Variants in ANKDD1B observed in about 807,000 individuals in gnomAD.
ANKDD1B encodes the protein ankyrin repeat and death domain containing 1B.
ANKDD1B carries 57 observed loss-of-function variants against 59.7 expected under a neutral mutation model. The observed-to-expected ratio is 0.95, with a 90% CI of 0.77 to 1.19. The LOEUF is 1.19. ANKDD1B is among the 50% of genes most tolerant of loss of function. ANKDD1B has a pLI of 0.00. For missense variants in ANKDD1B, 602 were observed against 641.9 expected (o/e 0.94, Z 0.67); for synonymous variants, 216 against 239.5 (o/e 0.90, Z 0.91).
At chr5:75,629,370 G>T (rs16872663) in intron 5 of ANKDD1B, among the ~76,000 whole-genome samples, 8,673 of 151,948 alleles carry the variant, frequency 0.057, 774 homozygotes, top group African/African-American at 0.19. Flanking sequence ...GATGGGAAAT[G>T]TTGTAGGCAG....
chr5:75,656,117 TC>T lies in ANKDD1B; in HGVS notation c.987del (p.Leu330Ter). 8 of 1,507,808 alleles carry T rather than the reference TC, an allele frequency of 5.3e-6. No homozygotes were observed. Among genetic ancestry groups the T allele is most frequent in the Non-Finnish European group, 7.1e-6 (8 of 1,123,964 alleles). The allele number at this position is 1,507,808 out of a possible 1,614,324, so 93.4% of individuals were successfully genotyped here. On this transcript the variant is annotated frameshift_variant, in exon 9 of 14. Coordinates refer to ENST00000601380, the MANE Select transcript of ANKDD1B (RefSeq NM_001276713.2). LOFTEE classifies it high-confidence loss of function. The stretch of plus-strand genomic sequence containing the variant: ...TTAAGTGCACAGCATGATATTGACA[TC>T]TTAAATCAGGTAAGCCAGGCAAATC... ...SLLSAQHDID[I>X]LNQKQQTPLH...
chr5:75,653,861 T>C (rs1468090884), intron 8 of ANKDD1B, among the ~76,000 whole-genome samples: 2 of 152,192 alleles, frequency 1.3e-5, no homozygotes, highest in African/African-American at 4.8e-5. Context: ...TGTCAGATAG[T>C]TTTTGGAGCA....
chr5:75,633,772 C>A (rs756487811), intron 5 of ANKDD1B, among the ~76,000 whole-genome samples: 4 of 152,194 alleles, frequency 2.6e-5, no homozygotes, highest in Non-Finnish European at 5.9e-5. Context: ...ATTGGATCCC[C>A]AATCTGGTGG....
intron 7 of ANKDD1B, among the ~76,000 whole-genome samples, chr5:75,637,200 G>A (rs1000245784): frequency 1.6e-5 from 2 of 125,984 alleles, no homozygotes; most frequent in Non-Finnish European, 3.1e-5. Context: ...AGCCCAGATC[G>A]TACCACTGCA....
intron 8 of ANKDD1B, 112 bp from the exon 9 acceptor site, chr5:75,655,917 A>T: frequency 1.7e-6 from 1 of 589,922 alleles, no homozygotes. Flanking sequence ...TGGGATGGGC[A>T]GTTTCGGTAC....
chr5:75,669,304 C>CG lies in ANKDD1B; in HGVS notation c.1449dup (p.Thr484AspfsTer7). ...ACAGGGCTCTGCTTATCTGGCTACA[C>CG]GGGACCCTGATGACTCAGGGTGACC... On this transcript the variant is annotated frameshift_variant, in exon 13 of 14. Coordinates refer to ENST00000601380, the MANE Select transcript of ANKDD1B (RefSeq NM_001276713.2). LOFTEE classifies it high-confidence loss of function. 1 of 1,232,110 alleles carries CG rather than the reference C, an allele frequency of 8.1e-7. No individual in the cohort carries two copies. 76.3% of individuals were successfully genotyped at this position (1,232,110 alleles called of 1,614,324 possible). A position where few individuals can be genotyped will look rare whatever the true frequency, so the allele number is the denominator to read the frequency against.
At position 75,632,881 on chromosome 5, in the gene ANKDD1B, G is replaced by T. The variant is rs189769095; in HGVS notation, c.601-2017G>T. ...TATTTCTCATCTTGGTCACTCTATTGCTTAGCACATTATCTGGCATATTCA... is the reference window on the plus strand; with the variant it reads ...TATTTCTCATCTTGGTCACTCTATTTCTTAGCACATTATCTGGCATATTCA... On this transcript the variant is annotated intron_variant, in intron 5 of 13. Transcript: ENST00000601380. 6.6e-5 allele frequency among the ~76,000 whole-genome samples: 10 copies of T among 152,236 alleles called. No homozygotes were observed. The East Asian group carries it at 1.5e-3, about 23-fold the overall frequency.
At chr5:75,636,012 T>G (rs1349897619) in intron 7 of ANKDD1B, 130 bp downstream of exon 7, 3 of 545,352 alleles carry the variant, frequency 5.5e-6, no homozygotes, top group African/African-American at 1.9e-5. Context: ...TGCTGAAAGA[T>G]TCTTACTTTA....
intron 7 of ANKDD1B, among the ~76,000 whole-genome samples, chr5:75,645,080 C>G (rs1437730440): frequency 3.1e-5 from 4 of 129,576 alleles, no homozygotes; most frequent in Non-Finnish European, 6.0e-5. Context: ...ACCAGAATCT[C>G]TGGGACGCAT....
chr5:75,625,960 G>T lies in ANKDD1B; in HGVS notation c.600+5G>T. On this transcript the variant is annotated splice_donor_5th_base_variant and intron_variant, in intron 5 of 13. Transcript: ENST00000601380. ...GACCTGAACCAGCCTGATGAGGTGT[G>T]TTCACTTTGGTTGTGTAGGTCTTGC... The T allele has an allele frequency of 1.3e-6, 2 of 1,527,664 alleles. No homozygotes were observed. The highest frequency in any genetic ancestry group is 1.8e-6 in the Non-Finnish European group (2 of 1,139,320). The allele number at this position is 1,527,664 out of a possible 1,614,324, so 94.6% of individuals were successfully genotyped here.
intron 3 of ANKDD1B, among the ~76,000 whole-genome samples, chr5:75,624,652 C>A (rs181798239): frequency 6.6e-6 from 1 of 151,938 alleles, no homozygotes. Flanking sequence ...TTTTTTTCAC[C>A]TGTGTGTACC....
At chr5:75,637,976 A>G (rs1017100643) in intron 7 of ANKDD1B, among the ~76,000 whole-genome samples, 1 of 152,200 alleles carries the variant, frequency 6.6e-6, no homozygotes, top group Non-Finnish European at 1.5e-5. Context: ...AACGACAATT[A>G]TACCCACCTG....
intron 2 of ANKDD1B, among the ~76,000 whole-genome samples, 158 bp downstream of exon 2, chr5:75,617,065 GGA>G (rs1214884504): frequency 9.9e-5 from 15 of 152,272 alleles, no homozygotes; most frequent in Admixed American, 7.8e-4. Context: ...GCTAAAAGGT[GGA>G]GTCAAACAGT....
intron 11 of ANKDD1B, among the ~76,000 whole-genome samples, chr5:75,665,470 T>C (rs1019682739): frequency 6.6e-6 from 1 of 152,218 alleles, no homozygotes; most frequent in Non-Finnish European, 1.5e-5. Flanking sequence ...CAAAGTGAAG[T>C]GGCCCACAGC....
At chr5:75,647,450 C>G (rs1388701566) in intron 7 of ANKDD1B, among the ~76,000 whole-genome samples, 3 of 127,936 alleles carry the variant, frequency 2.3e-5, no homozygotes, top group Non-Finnish European at 4.6e-5. Flanking sequence ...AGGACATGAA[C>G]AGACACTTCT....
At chr5:75,650,788 C>T (rs912067819) in intron 7 of ANKDD1B, among the ~76,000 whole-genome samples, 11 of 152,290 alleles carry the variant, frequency 7.2e-5, no homozygotes, top group African/African-American at 2.6e-4. Flanking sequence ...CTTAAAACAA[C>T]AATGTATTAT....
chr5:75,619,910 ATATC>A (rs1332728030), intron 2 of ANKDD1B, among the ~76,000 whole-genome samples: 5 of 152,348 alleles, frequency 3.3e-5, no homozygotes, highest in South Asian at 4.1e-4. Flanking sequence ...AGTGGATTGA[ATATC>A]TAGGAAAATT....
At chr5:75,667,062 A>AACACCTCCT (rs1775326582) in intron 12 of ANKDD1B, 69 bp downstream of exon 12, 1 of 1,037,806 alleles carries the variant, frequency 9.6e-7, no homozygotes, top group African/African-American at 1.6e-5. Context: ...TCCTGGTGTG[A>AACACCTCCT]GGTCTTCCAA....
chr5:75,651,931 T>C (rs1774842990), intron 7 of ANKDD1B, among the ~76,000 whole-genome samples: 1 of 152,228 alleles, frequency 6.6e-6, no homozygotes, highest in Non-Finnish European at 1.5e-5. Flanking sequence ...TATCCTCACA[T>C]GGCAGAAAGA....
Sources: allele counts gnomAD v4.1 joint callset (sites outside exome capture counted in the v4.1 genomes callset), GRCh38; gene constraint gnomAD v4.1.1; transcripts MANE v1.5; gene names NCBI Gene and HGNC (gene_info 2026-07-23, HGNC 2026-07-21).